Variants in SOX13 observed in about 807,000 individuals in gnomAD.
SOX13 encodes the protein SRY-box transcription factor 13.
Under a neutral mutation model 71.8 loss-of-function variants are expected in SOX13, and 28 were observed. The ratio of observed to expected loss-of-function variants is 0.39; its 90% confidence interval spans 0.29 to 0.53. The LOEUF (loss-of-function observed/expected upper bound fraction) is 0.53. Ranked by LOEUF, SOX13 falls within the 20% of genes least tolerant of loss-of-function variation. SOX13 has a pLI of 0.70. For missense variants in SOX13, 627 were observed against 810.3 expected, an observed-to-expected ratio of 0.77 and a Z score of 2.75; for synonymous variants, 309 against 317.8, an observed-to-expected ratio of 0.97 and a Z score of 0.29.
chr1:204,100,522 C>G (rs537401384), intron 1 of SOX13, among the ~76,000 whole-genome samples: 1 of 152,116 alleles, frequency 6.6e-6, no homozygotes, highest in Admixed American at 6.5e-5. Context: ...GCTGCTTCTC[C>G]CCTTCCTTCC....
intron 1 of SOX13, among the ~76,000 whole-genome samples, chr1:204,111,510 G>C (rs553388094): frequency 1.3e-5 from 2 of 152,314 alleles, no homozygotes; most frequent in Admixed American, 1.3e-4. Flanking sequence ...CAGCTCCTCA[G>C]ATGTCCCAGG....
At chr1:204,100,747 G>A (rs1160743434) in intron 1 of SOX13, among the ~76,000 whole-genome samples, 5 of 152,222 alleles carry the variant, frequency 3.3e-5, no homozygotes, top group Non-Finnish European at 7.3e-5. Flanking sequence ...CTGAGGAAGA[G>A]CTGCTAAACT....
intron 1 of SOX13, among the ~76,000 whole-genome samples, chr1:204,110,362 C>T (rs925077985): frequency 6.7e-6 from 1 of 148,524 alleles, no homozygotes; most frequent in South Asian, 2.2e-4. Context: ...CATAGCAAGA[C>T]CCTGTCTCTA....
At chr1:204,105,229 T>C (rs1182575012) in intron 1 of SOX13, among the ~76,000 whole-genome samples, 1 of 152,172 alleles carries the variant, frequency 6.6e-6, no homozygotes, top group Non-Finnish European at 1.5e-5. Flanking sequence ...AGGGCGAAGA[T>C]GGCTGGAGCC....
chr1:204,127,592 T>C lies in SOX13; in HGVS notation c.*1458T>C, dbSNP rs574846297. 1 of 152,800 alleles carries C rather than the reference T, an allele frequency of 6.5e-6. No individual in the cohort carries two copies. The highest frequency in any genetic ancestry group is 2.4e-5 in the African/African-American group (1 of 41,576). 9.5% of individuals were successfully genotyped at this position (152,800 alleles called of 1,614,324 possible). A position where few individuals can be genotyped will look rare whatever the true frequency, so the allele number is the denominator to read the frequency against. On this transcript the variant is annotated 3_prime_UTR_variant, in exon 14 of 14. Coordinates refer to ENST00000367204, the MANE Select transcript of SOX13 (RefSeq NM_005686.3). ...TCAAAGCCCCCACTTCTCTCCAGGC[T>C]GTTTCTTTTTTTATGACTGTAAACA... is the stretch of plus-strand genomic sequence containing the variant.
intron 1 of SOX13, among the ~76,000 whole-genome samples, chr1:204,096,239 GTTTTT>G (rs59094119): frequency 1.2e-5 from 1 of 85,358 alleles, no homozygotes; most frequent in Non-Finnish European, 2.1e-5. Context: ...TCTTTCTTTC[GTTTTT>G]TTTTTTTTTT....
At chr1:204,124,507 C>A in intron 12 of SOX13, 134 bp from the exon 13 acceptor site, 1 of 722,306 alleles carries the variant, frequency 1.4e-6, no homozygotes, top group Non-Finnish European at 2.4e-6. Context: ...TCGGGCCAGG[C>A]CCTTGCTAAG....
At chr1:204,096,456 G>A (rs148130866) in intron 1 of SOX13, among the ~76,000 whole-genome samples, 2,399 of 149,688 alleles carry the variant, frequency 0.016, 65 homozygotes, top group African/African-American at 0.054. Flanking sequence ...TTGCTCTGTC[G>A]CCCAGGTTAG....
chr1:204,112,347 AG>A (rs1656594691), intron 1 of SOX13, among the ~76,000 whole-genome samples: 1 of 151,958 alleles, frequency 6.6e-6, no homozygotes, highest in Non-Finnish European at 1.5e-5. Context: ...AGGCTGAGGC[AG>A]GAGAATCACT....
At chr1:204,094,852 G>A (rs1656220071) in intron 1 of SOX13, among the ~76,000 whole-genome samples, 1 of 152,106 alleles carries the variant, frequency 6.6e-6, no homozygotes, top group South Asian at 2.1e-4. Context: ...TGGGATTTTG[G>A]GGCTTGCCTG....
rs571159432 is a variant in SOX13 at position 204,121,794 on chromosome 1, C to T, written c.776-106C>T. Reference sequence around the variant, plus strand: ...GGGCAGTGGTTGGAACCAAGCTGGTCCAGTGCCGAGCCATTGCCCATCTTG... The same window carrying T: ...GGGCAGTGGTTGGAACCAAGCTGGTTCAGTGCCGAGCCATTGCCCATCTTG... On this transcript the variant is annotated intron_variant, in intron 7 of 13. Transcript: ENST00000367204. 4 of 798,380 alleles carry T rather than the reference C, an allele frequency of 5.0e-6. No homozygotes were observed. In the East Asian group the frequency reaches 7.9e-5, roughly 16 times the overall value. 49.5% of individuals were successfully genotyped at this position (798,380 alleles called of 1,614,324 possible).
At chr1:204,089,919 G>A (rs1401973229) in intron 1 of SOX13, among the ~76,000 whole-genome samples, 1 of 152,306 alleles carries the variant, frequency 6.6e-6, no homozygotes, top group East Asian at 1.9e-4. Flanking sequence ...ACATCATCTA[G>A]TCTTCAAGGG....
chr1:204,087,999 A>G (rs899760615), intron 1 of SOX13, among the ~76,000 whole-genome samples: 17 of 152,200 alleles, frequency 1.1e-4, no homozygotes, highest in African/African-American at 4.1e-4. Flanking sequence ...AACAAGTGAC[A>G]GCCCACACTG....
chr1:204,081,596 G>T lies in SOX13; in HGVS notation c.-2+7885G>T, dbSNP rs1452347271. Among the ~76,000 whole-genome samples, 1 of 152,190 alleles carries T rather than the reference G, an allele frequency of 6.6e-6. No homozygotes were observed. The highest frequency in any genetic ancestry group is 2.4e-5 in the African/African-American group (1 of 41,460). ...TGCTTTGGCCCTGGCGCCTAGGAAA[G>T]GCTAGACAGGGAGGGGAGCCTTGGC... is the stretch of plus-strand genomic sequence containing the variant. On this transcript the variant is annotated intron_variant, in intron 1 of 13. Coordinates refer to ENST00000367204, the MANE Select transcript of SOX13 (RefSeq NM_005686.3). This position sits in a 1 kb window ranked among gnomAD's most constrained non-coding sequence, Gnocchi z 4.3.
rs145149797 is a variant in SOX13, at chr1:204,088,973, C to T, written c.-2+15262C>T. ...CAGTGGTCCAGAGGGTGGGAGGAAT[C>T]AATTTCCCTCTCAGCGATTGTGACC... On this transcript the variant is annotated intron_variant, in intron 1 of 13. Transcript: ENST00000367204. Among the ~76,000 whole-genome samples, 892 of 152,258 alleles carry T rather than the reference C, an allele frequency of 5.9e-3. 5 individuals carry two copies. The highest frequency in any genetic ancestry group is 0.014 in the South Asian group (69 of 4,820).
Position 204,123,532 on chromosome 1 carries a change from T to A in SOX13, c.1232-129T>A, listed in dbSNP as rs1295551834. The A allele has an allele frequency of 9.1e-6, 9 of 993,678 alleles. No individual in the cohort carries two copies. The highest frequency in any genetic ancestry group is 1.2e-5 in the Non-Finnish European group (8 of 686,964). 61.6% of individuals were successfully genotyped at this position (993,678 alleles called of 1,614,324 possible). A position where few individuals can be genotyped will look rare whatever the true frequency, so the allele number is the denominator to read the frequency against. On this transcript the variant is annotated intron_variant, in intron 11 of 13. Coordinates refer to ENST00000367204, the MANE Select transcript of SOX13 (RefSeq NM_005686.3). The surrounding 1 kb of genome is among the most constrained non-coding windows in gnomAD (Gnocchi z 5.0). ...CCATCTGCTCCTGCCTTGCTCCTCC[T>A]CGGCTGGCTGCTGTGGGAGCCTCCT... is the stretch of plus-strand genomic sequence containing the variant.
rs1471557874 is a variant in SOX13, at chr1:204,123,883, G to A, written c.1375+79G>A. 5.0e-5 allele frequency: 75 copies of A among 1,512,456 alleles called. No individual in the cohort carries two copies. Among genetic ancestry groups the A allele is most frequent in the Non-Finnish European group, 6.4e-5 (70 of 1,099,614 alleles). 93.7% of individuals were successfully genotyped at this position (1,512,456 alleles called of 1,614,324 possible). On this transcript the variant is annotated intron_variant, in intron 12 of 13. Coordinates refer to ENST00000367204, the MANE Select transcript of SOX13 (RefSeq NM_005686.3). The surrounding 1 kb of genome is among the most constrained non-coding windows in gnomAD (Gnocchi z 5.0). ...GCTGGGTCTATTCAGGGCTTGCTTG[G>A]TGATATTCCATACTGTGTTGGACTC... is the stretch of plus-strand genomic sequence containing the variant.
chr1:204,120,332 G>C (rs894442784), intron 7 of SOX13, among the ~76,000 whole-genome samples: 1 of 152,198 alleles, frequency 6.6e-6, no homozygotes, highest in South Asian at 2.1e-4. Context: ...TGATCTGGTC[G>C]GGGATAGGAC....
chr1:204,079,575 G>A (rs948354015), intron 1 of SOX13, among the ~76,000 whole-genome samples: 30 of 152,036 alleles, frequency 2.0e-4, no homozygotes, highest in African/African-American at 6.7e-4. Flanking sequence ...TCGAACCCCC[G>A]ACCTCAGGTG....
Sources: gnomAD v4.1 joint callset for allele counts (sites outside exome capture counted in the v4.1 genomes callset) on GRCh38, gnomAD v4.1.1 for gene constraint, Gnocchi (gnomAD v3.1) non-coding constraint, MANE v1.5 for transcripts, NCBI Gene and HGNC (gene_info 2026-07-23, HGNC 2026-07-21) for gene names.